The following PDE4D variants were observed in gnomAD, a reference collection of about 807,000 sequenced individuals.
PDE4D encodes the protein 3',5'-cyclic-AMP phosphodiesterase 4D.
Under a neutral mutation model 87.4 loss-of-function variants are expected in PDE4D, and 24 were observed. The observed-to-expected ratio is 0.27, with a 90% confidence interval of 0.20 to 0.39. The LOEUF (loss-of-function observed/expected upper bound fraction) is 0.39. Among genes scored for constraint, PDE4D ranks in the 10% least tolerant of loss-of-function variants. The pLI is 1.00. For synonymous variants in PDE4D, 384 were observed against 383.2 expected, an observed-to-expected ratio of 1.00 and a Z score of -0.02; for missense variants, 714 against 1,041.0, an observed-to-expected ratio of 0.69 and a Z score of 4.32.
At chr5:58,982,696 T>TA (rs1426650148) in intron 11 of PDE4D, among the ~76,000 whole-genome samples, 1 of 152,184 alleles carries the variant, frequency 6.6e-6, no homozygotes, top group Non-Finnish European at 1.5e-5. Context: ...CACTTAGCAA[T>TA]AGTCATAGCC....
At chr5:59,469,917 A>G (rs1299682139) in intron 1 of PDE4D, among the ~76,000 whole-genome samples, 1 of 152,192 alleles carries the variant, frequency 6.6e-6, no homozygotes, top group African/African-American at 2.4e-5. Context: ...GTCAAAACCA[A>G]GAAGCACAAA....
At chr5:59,816,810 G>A (rs544588649) in intron 1 of PDE4D, among the ~76,000 whole-genome samples, 1 of 152,246 alleles carries the variant, frequency 6.6e-6, no homozygotes, top group African/African-American at 2.4e-5. Context: ...CCTACATGAA[G>A]GCCTGAGTCA....
intron 1 of PDE4D, among the ~76,000 whole-genome samples, chr5:59,644,272 GA>G (rs564602821): frequency 1.1e-4 from 16 of 152,332 alleles, no homozygotes; most frequent in African/African-American, 3.8e-4. Flanking sequence ...GCAGCCAGCT[GA>G]AGAGATTTTT....
intron 6 of PDE4D, among the ~76,000 whole-genome samples, chr5:59,032,728 C>G (rs2153386337): frequency 1.3e-5 from 2 of 152,248 alleles, no homozygotes; most frequent in Admixed American, 1.3e-4. Flanking sequence ...TTAGTATATT[C>G]TAGACAGGCA....
At chr5:59,200,908 A>T (rs1444464314) in intron 2 of PDE4D, among the ~76,000 whole-genome samples, 1 of 152,048 alleles carries the variant, frequency 6.6e-6, no homozygotes, top group African/African-American at 2.4e-5. Flanking sequence ...ACTTCCTTAT[A>T]GAATTAGAGT....
In PDE4D at chr5:60,064,307, A is replaced by G. The variant is rs80330551; in HGVS notation, c.43-75590T>C. The stretch of plus-strand genomic sequence containing the variant: ...AACTATAAGGTAAGTTTTATTGTGC[A>G]TATTTTATGAATGAGGAAAATGAGA... On this transcript the variant is annotated intron_variant, in intron 2 of 16. Coordinates refer to the PDE4D transcript ENST00000502484. Among the ~76,000 whole-genome samples the G allele has an allele frequency of 3.8e-3, 584 of 152,248 alleles. 18 individuals are homozygous for G. Among genetic ancestry groups the G allele is most frequent in the Admixed American group, 0.027 (417 of 15,268 alleles).
intron 1 of PDE4D, among the ~76,000 whole-genome samples, chr5:59,736,349 G>A (rs571153818): frequency 2.6e-5 from 4 of 152,070 alleles, no homozygotes; most frequent in Admixed American, 2.6e-4. Flanking sequence ...GAATATTCTG[G>A]GGCACTGTAA....
At chr5:60,189,574 TAC>T (rs1168918754) in intron 1 of PDE4D, among the ~76,000 whole-genome samples, 2 of 152,176 alleles carry the variant, frequency 1.3e-5, no homozygotes, top group Admixed American at 1.3e-4. Context: ...AATGTCCCCA[TAC>T]ATAATGACAT....
intron 1 of PDE4D, chr5:59,797,151 A>T (rs1169671606): frequency 6.6e-6 from 1 of 152,014 alleles, no homozygotes; most frequent in Non-Finnish European, 1.5e-5. Flanking sequence ...AAAAAAAAAA[A>T]AGTCAACCAA....
intron 1 of PDE4D, among the ~76,000 whole-genome samples, chr5:59,223,385 T>C (rs183578987): frequency 3.5e-4 from 53 of 152,138 alleles, no homozygotes; most frequent in African/African-American, 1.2e-3. Context: ...GTCACAATTA[T>C]ACTGATGTTT....
chr5:60,240,076 T>C (rs1432244039), intron 1 of PDE4D, among the ~76,000 whole-genome samples: 1 of 152,094 alleles, frequency 6.6e-6, no homozygotes, highest in East Asian at 1.9e-4. Context: ...CATGTTAACC[T>C]ATTTATTAGT....
chr5:59,266,592 C>T (rs1025107323), intron 1 of PDE4D, among the ~76,000 whole-genome samples: 11 of 151,782 alleles, frequency 7.2e-5, no homozygotes, highest in African/African-American at 2.4e-4. Context: ...GGAATGGAGC[C>T]GTGTCAAAGT....
At position 59,668,845 on chromosome 5, in the gene PDE4D, G is replaced by A. The variant is rs868782886; in HGVS notation, c.455+224323C>T. 3.5e-3 allele frequency among the ~76,000 whole-genome samples: 219 copies of A among 62,048 alleles called. 4 individuals carry two copies. Among genetic ancestry groups the A allele is most frequent in the African/African-American group, 8.1e-3 (122 of 15,052 alleles). 40.7% of individuals were successfully genotyped at this position (62,048 alleles called of 152,430 possible). ...AAGAAGAAGAAGAGGAAGAGGAAGAGGAAGAAGAAGAAGAAGAAGAAGAAG... is the reference window on the plus strand; with the variant it reads ...AAGAAGAAGAAGAGGAAGAGGAAGAAGAAGAAGAAGAAGAAGAAGAAGAAG... On this transcript the variant is annotated intron_variant, in intron 1 of 14. Coordinates refer to ENST00000340635, the MANE Select transcript of PDE4D (RefSeq NM_001104631.2).
intron 1 of PDE4D, among the ~76,000 whole-genome samples, chr5:59,303,643 G>T (rs1394328887): frequency 1.3e-5 from 2 of 152,038 alleles, no homozygotes; most frequent in Non-Finnish European, 2.9e-5. Flanking sequence ...TGTTGAAAAG[G>T]TTATCCTTTT....
intron 1 of PDE4D, among the ~76,000 whole-genome samples, chr5:59,320,527 C>T (rs549064439): frequency 2.0e-5 from 3 of 152,062 alleles, no homozygotes; most frequent in Non-Finnish European, 2.9e-5. Flanking sequence ...AAAGCGTGTA[C>T]TTATATTTAT....
chr5:59,448,122 T>C (rs1482374164), intron 1 of PDE4D, among the ~76,000 whole-genome samples: 3 of 152,200 alleles, frequency 2.0e-5, no homozygotes, highest in Non-Finnish European at 4.4e-5. Flanking sequence ...TGTATTTCTT[T>C]ATTCAAAGCA....
intron 2 of PDE4D, among the ~76,000 whole-genome samples, chr5:60,164,788 A>G (rs894107582): frequency 7.2e-5 from 11 of 152,310 alleles, no homozygotes; most frequent in African/African-American, 2.6e-4. Context: ...TCAATTAAGT[A>G]TGCATTTATC....
chr5:60,243,005 A>C (rs1747304109), intron 1 of PDE4D, among the ~76,000 whole-genome samples: 1 of 152,036 alleles, frequency 6.6e-6, no homozygotes, highest in African/African-American at 2.4e-5. Flanking sequence ...AATAAATGAA[A>C]TTGAAACAAG....
chr5:59,835,706 C>T (rs565368986), intron 1 of PDE4D, among the ~76,000 whole-genome samples: 1 of 152,058 alleles, frequency 6.6e-6, no homozygotes, highest in South Asian at 2.1e-4. Flanking sequence ...GGGTAGGTGC[C>T]CACAGAGGCA....
Sources: gnomAD v4.1 joint callset for allele counts (sites outside exome capture counted in the v4.1 genomes callset) on GRCh38, gnomAD v4.1.1 for gene constraint, MANE v1.5 for transcripts, NCBI Gene and HGNC (gene_info 2026-07-23, HGNC 2026-07-21) for gene names.